RUSC2: variants seen among roughly 807,000 people sequenced by gnomAD.
RUSC2 encodes the protein AP-4 complex accessory subunit RUSC2.
RUSC2 carries 34 observed loss-of-function variants against 122.2 expected under a neutral mutation model. The observed-to-expected ratio is 0.28, with a 90% CI of 0.21 to 0.37. The LOEUF (loss-of-function observed/expected upper bound fraction) is 0.37. Among genes scored for constraint, RUSC2 ranks in the 10% least tolerant of loss-of-function variants. The pLI, the probability that RUSC2 is intolerant of heterozygous loss-of-function variation, is 1.00. For missense variants in RUSC2, 1,747 were observed against 1,952.4 expected (o/e 0.89, Z 1.98); for synonymous variants, 784 against 790.0 (o/e 0.99, Z 0.13).
chr9:35,527,510 C>T (rs1587849957), intron 1 of RUSC2, among the ~76,000 whole-genome samples: 1 of 152,098 alleles, frequency 6.6e-6, no homozygotes, highest in Non-Finnish European at 1.5e-5. Context: ...GAACATATTT[C>T]GTTCTTTTTC....
chr9:35,542,738 TTACAA>T (rs1443596374), intron 1 of RUSC2, among the ~76,000 whole-genome samples: 2 of 152,204 alleles, frequency 1.3e-5, no homozygotes, highest in Non-Finnish European at 2.9e-5. Flanking sequence ...CAACATCACA[TTACAA>T]TACAATTGTC....
chr9:35,492,031 A>G (rs918841352), intron 1 of RUSC2, among the ~76,000 whole-genome samples: 27 of 152,124 alleles, frequency 1.8e-4, no homozygotes, highest in Admixed American at 1.3e-4. Context: ...ATCTGGATGG[A>G]TTAAGCAATA....
At chr9:35,550,380 C>T (rs1019693812) in intron 2 of RUSC2, among the ~76,000 whole-genome samples, 7 of 151,906 alleles carry the variant, frequency 4.6e-5, no homozygotes, top group Admixed American at 6.6e-5. Context: ...AGTCCCAGCA[C>T]TTTAGGAGAC....
At chr9:35,501,135 CAGAA>C (rs1178449848) in intron 1 of RUSC2, among the ~76,000 whole-genome samples, 1 of 152,156 alleles carries the variant, frequency 6.6e-6, no homozygotes, top group Non-Finnish European at 1.5e-5. Context: ...GAAAGGGACT[CAGAA>C]AGATAAAAGT....
intron 1 of RUSC2, among the ~76,000 whole-genome samples, chr9:35,541,510 G>A (rs1011522798): frequency 6.6e-6 from 1 of 151,534 alleles, no homozygotes; most frequent in Non-Finnish European, 1.5e-5. Flanking sequence ...GCAGTGGCAC[G>A]ATCTCGGCTC....
At position 35,559,211 on chromosome 9, in the gene RUSC2, C is replaced by T. The variant is rs2131703558; in HGVS notation, c.3342-15C>T. On this transcript the variant is annotated splice_polypyrimidine_tract_variant and intron_variant, in intron 8 of 11. Coordinates refer to ENST00000361226, the MANE Select transcript of RUSC2 (RefSeq NM_014806.5). ...TTCACACAAGACTCAACTCTCTTCA[C>T]CTGTCTCCCTACAGCATCCGGTCCC... The T allele has an allele frequency of 5.0e-6, 8 of 1,609,080 alleles. No homozygotes were observed. Among genetic ancestry groups the T allele is most frequent in the Non-Finnish European group, 6.8e-6 (8 of 1,175,400 alleles).
chr9:35,554,492 T>G (rs1821965796), intron 2 of RUSC2, among the ~76,000 whole-genome samples: 1 of 152,184 alleles, frequency 6.6e-6, no homozygotes, highest in Admixed American at 6.5e-5. Context: ...GAGCAAAAGC[T>G]TGAAGTCAGT....
In RUSC2 at chr9:35,558,246, T is replaced by G; in HGVS notation, c.3110T>G (p.Leu1037Arg). ...AGCCCCAATGTGGGCCACCTGGTTC[T>G]GAAGTACTTGTGCCCTGCCGTCCGC... is the stretch of plus-strand genomic sequence containing the variant. ...SVSPNVGHLVLKYLCPAVRAV... is the reference protein window; with the variant it reads ...SVSPNVGHLVRKYLCPAVRAV... Residue 1037 changes from leucine (L) to arginine (R), a missense_variant, in exon 7 of 12, where the codon CTG becomes CGG. Transcript: ENST00000361226. This position sits in a 1 kb window ranked among gnomAD's most constrained non-coding sequence, Gnocchi z 4.3. 1.2e-6 allele frequency: 2 copies of G among 1,614,128 alleles called. No individual in the cohort carries two copies. Among genetic ancestry groups the G allele is most frequent in the Non-Finnish European group, 1.7e-6 (2 of 1,180,032 alleles).
chr9:35,554,359 C>T (rs758337785), intron 2 of RUSC2, among the ~76,000 whole-genome samples: 8 of 152,046 alleles, frequency 5.3e-5, no homozygotes, highest in Non-Finnish European at 1.2e-4. Flanking sequence ...ATGCCAGGAT[C>T]GTGAAAAGAG....
rs1191481566 is a variant in RUSC2, at chr9:35,555,879, T to G, written c.2657-73T>G. The stretch of plus-strand genomic sequence containing the variant: ...AATCTAGTGTTTCATATGGGCCCAC[T>G]GGGTGGATGTGAAACTCTGTCTCGC... On this transcript the variant is annotated intron_variant, in intron 3 of 11. Transcript: ENST00000361226. The surrounding 1 kb of genome is among the most constrained non-coding windows in gnomAD (Gnocchi z 4.6). 6.5e-7 allele frequency: 1 copy of G among 1,547,106 alleles called. No homozygotes were observed. The highest frequency in any genetic ancestry group is 8.8e-7 in the Non-Finnish European group (1 of 1,137,064).
chr9:35,527,306 T>C (rs1187159750), intron 1 of RUSC2, among the ~76,000 whole-genome samples: 2 of 151,798 alleles, frequency 1.3e-5, no homozygotes, highest in Non-Finnish European at 2.9e-5. Context: ...TTCTGCTTGC[T>C]TGCTTGCTTG....
intron 1 of RUSC2, among the ~76,000 whole-genome samples, chr9:35,515,250 G>C (rs1374069907): frequency 1.3e-5 from 2 of 152,202 alleles, no homozygotes; most frequent in Non-Finnish European, 2.9e-5. Flanking sequence ...GAGTAAACAA[G>C]TGTTAGCTCA....
chr9:35,506,428 G>A lies in RUSC2; in HGVS notation c.-93+16256G>A, dbSNP rs143291126. Among the ~76,000 whole-genome samples, 1,075 of 152,290 alleles carry A rather than the reference G, an allele frequency of 7.1e-3. 8 individuals are homozygous for A. The highest frequency in any genetic ancestry group is 0.012 in the Non-Finnish European group (784 of 68,032). On this transcript the variant is annotated intron_variant, in intron 1 of 11. Coordinates refer to ENST00000361226, the MANE Select transcript of RUSC2 (RefSeq NM_014806.5). Reference sequence around the variant, plus strand: ...CCCCCTTCCCCACAATTCGTGATAGGCTTTATTTTCCACTATGCATTTCTG... The same window carrying A: ...CCCCCTTCCCCACAATTCGTGATAGACTTTATTTTCCACTATGCATTTCTG...
intron 2 of RUSC2, among the ~76,000 whole-genome samples, chr9:35,550,797 C>T (rs1270172973): frequency 3.3e-5 from 5 of 151,748 alleles, no homozygotes; most frequent in African/African-American, 4.8e-5. Context: ...CAGGAGAGGC[C>T]GGGCATGGTG....
rs12002145 is a variant in RUSC2 at position 35,547,370 on chromosome 9, C to A, written c.849C>A (p.Thr283=). The A allele has an allele frequency of 3.7e-6, 6 of 1,614,154 alleles. No individual in the cohort carries two copies. Among genetic ancestry groups the A allele is most frequent in the Non-Finnish European group, 5.1e-6 (6 of 1,180,030 alleles). ...ACAGTTCAGATGGTGTGCTGGTCAC[C>A]TTCAGCACCCTCTACAACAAGATGC... ...SCNSSDGVLV[T]FSTLYNKMHG... Residue 283 remains threonine, a synonymous_variant, in exon 2 of 12, where the codon ACC becomes ACA. Coordinates refer to ENST00000361226, the MANE Select transcript of RUSC2 (RefSeq NM_014806.5). This position sits in a 1 kb window ranked among gnomAD's most constrained non-coding sequence, Gnocchi z 4.6.
intron 1 of RUSC2, among the ~76,000 whole-genome samples, chr9:35,496,953 T>C (rs535882414): frequency 3.9e-5 from 6 of 152,334 alleles, no homozygotes; most frequent in African/African-American, 1.4e-4. Context: ...TGAGCACACC[T>C]GGCATAGCTG....
chr9:35,513,921 TA>T (rs1821056787), intron 1 of RUSC2, among the ~76,000 whole-genome samples: 1 of 144,404 alleles, frequency 6.9e-6, no homozygotes, highest in Non-Finnish European at 1.5e-5. Context: ...TATATATATA[TA>T]TATATATATA....
At chr9:35,497,090 T>C (rs1280968387) in intron 1 of RUSC2, among the ~76,000 whole-genome samples, 2 of 152,214 alleles carry the variant, frequency 1.3e-5, no homozygotes, top group African/African-American at 4.8e-5. Flanking sequence ...AGTTTGACGA[T>C]CTGCACCTCT....
intron 1 of RUSC2, among the ~76,000 whole-genome samples, chr9:35,527,070 C>T (rs1821338507): frequency 6.6e-6 from 1 of 151,810 alleles, no homozygotes; most frequent in Non-Finnish European, 1.5e-5. Flanking sequence ...TTCTTCAGAT[C>T]GATCTTCCAG....
Sources: allele counts gnomAD v4.1 joint callset (sites outside exome capture counted in the v4.1 genomes callset), GRCh38; gene constraint gnomAD v4.1.1; non-coding constraint Gnocchi (gnomAD v3.1); transcripts MANE v1.5; gene names NCBI Gene and HGNC (gene_info 2026-07-23, HGNC 2026-07-21).